Variants in RBFOX3 observed in about 807,000 individuals in gnomAD.
The protein encoded by RBFOX3 is RNA binding fox-1 homolog 3.
In RBFOX3, 17 loss-of-function variants were observed where a neutral mutation model predicts 48.7. The ratio of observed to expected loss-of-function variants is 0.35; its 90% CI spans 0.24 to 0.52. The LOEUF (loss-of-function observed/expected upper bound fraction) is 0.52. RBFOX3 is among the 20% of genes least tolerant of loss of function. The pLI is 0.94. For missense variants in RBFOX3, 382 were observed against 497.5 expected, an observed-to-expected ratio of 0.77 and a Z score of 2.21; for synonymous variants, 212 against 209.5, an observed-to-expected ratio of 1.01 and a Z score of -0.10.
chr17:79,483,359 G>A (rs1438345793), intron 1 of RBFOX3, among the ~76,000 whole-genome samples: 2 of 150,820 alleles, frequency 1.3e-5, no homozygotes, highest in South Asian at 2.1e-4. Context: ...CCACACAGGC[G>A]CATGCCTCCC....
chr17:79,620,279 A>C, the RBFOX3 span, among the ~76,000 whole-genome samples: 1 of 150,942 alleles, frequency 6.6e-6, no homozygotes, highest in African/African-American at 2.4e-5. Context: ...ACACATACGC[A>C]TATGCGCACA....
intron 1 of RBFOX3, among the ~76,000 whole-genome samples, chr17:79,495,290 T>G (rs76149368): frequency 1 from 60,678 of 60,686 alleles, 30,335 homozygotes; most frequent in Middle Eastern, 1. Context: ...GCACGGGTCG[T>G]GAACACCATG....
chr17:79,378,705 C>A (rs564847461), intron 2 of RBFOX3, among the ~76,000 whole-genome samples: 16 of 152,314 alleles, frequency 1.1e-4, no homozygotes, highest in African/African-American at 3.6e-4. Context: ...CAGGCTGTGT[C>A]CCATGTTAAT....
chr17:79,546,157 C>G (rs12603783), intron 1 of RBFOX3, among the ~76,000 whole-genome samples: 1 of 152,068 alleles, frequency 6.6e-6, no homozygotes, highest in Non-Finnish European at 1.5e-5. Context: ...TTTTCCATCT[C>G]CCTGATCTAT....
rs1262397402 is a variant in RBFOX3 at position 79,198,334 on chromosome 17, G to A, written c.-34+37432C>T. Among the ~76,000 whole-genome samples the A allele has an allele frequency of 6.6e-6, 1 of 152,234 alleles. No individual in the cohort carries two copies. Among genetic ancestry groups the A allele is most frequent in the African/African-American group, 2.4e-5 (1 of 41,474 alleles). On this transcript the variant is annotated intron_variant, in intron 4 of 14. Coordinates refer to ENST00000693108, the MANE Select transcript of RBFOX3 (RefSeq NM_001350451.2). This position sits in a 1 kb window ranked among gnomAD's most constrained non-coding sequence, Gnocchi z 8.2. ...CAGGCACAGGTGCGGACAGGAAGGA[G>A]AGCCTGCACCTGGCGATGGTGACTC...
the RBFOX3 span, among the ~76,000 whole-genome samples, chr17:79,617,277 G>C: frequency 6.6e-6 from 1 of 151,936 alleles, no homozygotes; most frequent in African/African-American, 2.4e-5. Context: ...GGGATGGGGG[G>C]GTCTTAGCCT....
chr17:79,304,900 C>T (rs143400071), intron 3 of RBFOX3, among the ~76,000 whole-genome samples: 15 of 152,280 alleles, frequency 9.9e-5, no homozygotes, highest in African/African-American at 2.6e-4. Flanking sequence ...TACACCTGCT[C>T]GTGTCTGTGG....
At chr17:79,351,590 T>A (rs1484612112) in intron 2 of RBFOX3, among the ~76,000 whole-genome samples, 1 of 152,192 alleles carries the variant, frequency 6.6e-6, no homozygotes, top group African/African-American at 2.4e-5. Context: ...GTGACGATGA[T>A]GTGGAGCATC....
intron 4 of RBFOX3, among the ~76,000 whole-genome samples, chr17:79,143,158 G>T (rs924941413): frequency 6.6e-6 from 1 of 152,176 alleles, no homozygotes; most frequent in African/African-American, 2.4e-5. Flanking sequence ...AAGAAGGGGG[G>T]TCCCTGTGTC....
intron 13 of RBFOX3, among the ~76,000 whole-genome samples, chr17:79,095,092 A>T (rs1257525590): frequency 6.6e-6 from 1 of 152,004 alleles, no homozygotes; most frequent in Non-Finnish European, 1.5e-5. Context: ...GCCAGGAGGG[A>T]GGGGGTACAA....
intron 2 of RBFOX3, among the ~76,000 whole-genome samples, chr17:79,379,050 C>G (rs993951357): frequency 2.6e-5 from 4 of 152,186 alleles, no homozygotes; most frequent in African/African-American, 9.7e-5. Context: ...GGATTCTCAA[C>G]TGGGGAAGCT....
chr17:79,418,757 G>A lies in RBFOX3; in HGVS notation c.-175+63697C>T, dbSNP rs1241677488. 1.3e-5 allele frequency among the ~76,000 whole-genome samples: 2 copies of A among 152,048 alleles called. No individual in the cohort carries two copies. Among genetic ancestry groups the A allele is most frequent in the Non-Finnish European group, 2.9e-5 (2 of 68,020 alleles). On this transcript the variant is annotated intron_variant, in intron 2 of 14. Coordinates refer to ENST00000693108, the MANE Select transcript of RBFOX3 (RefSeq NM_001350451.2). The surrounding 1 kb of genome is among the most constrained non-coding windows in gnomAD (Gnocchi z 5.0). ...CTTGCTGCTTGAGAAGGAGGTTTGGGAGAGGAATTCCTTCCCAAAAAGTGA... is the reference window on the plus strand; with the variant it reads ...CTTGCTGCTTGAGAAGGAGGTTTGGAAGAGGAATTCCTTCCCAAAAAGTGA...
chr17:79,394,859 G>T (rs9899608), intron 2 of RBFOX3, among the ~76,000 whole-genome samples: 3,336 of 152,306 alleles, frequency 0.022, 121 homozygotes, highest in African/African-American at 0.077. Flanking sequence ...GAGGTAGAGG[G>T]ATATGAGAAG....
intron 1 of RBFOX3, among the ~76,000 whole-genome samples, chr17:79,580,373 G>A (rs928409360): frequency 4.8e-5 from 7 of 147,006 alleles, no homozygotes; most frequent in Admixed American, 2.8e-4. Flanking sequence ...ATCCCACCCC[G>A]AGCAACAGCA....
At chr17:79,157,163 CG>C (rs1568246520) in intron 4 of RBFOX3, among the ~76,000 whole-genome samples, 1 of 152,192 alleles carries the variant, frequency 6.6e-6, no homozygotes, top group Non-Finnish European at 1.5e-5. Context: ...CTCTCCTTTG[CG>C]TGTCTCACTT....
Position 79,480,592 on chromosome 17 carries a change from C to T in RBFOX3, c.-175+1862G>A, listed in dbSNP as rs1298367880. ...TCTCCTTCCTCCACCTGCACAGCCC[C>T]CGGACCCCGTGATGCCAGCCCCTCC... On this transcript the variant is annotated intron_variant, in intron 2 of 14. Coordinates refer to ENST00000693108, the MANE Select transcript of RBFOX3 (RefSeq NM_001350451.2). The surrounding 1 kb of genome is among the most constrained non-coding windows in gnomAD (Gnocchi z 4.8). Among the ~76,000 whole-genome samples the T allele has an allele frequency of 1.3e-5, 2 of 152,214 alleles. No individual in the cohort carries two copies. Among genetic ancestry groups the T allele is most frequent in the African/African-American group, 4.8e-5 (2 of 41,452 alleles).
At chr17:79,537,605 C>T (rs2089027484) in intron 1 of RBFOX3, among the ~76,000 whole-genome samples, 1 of 152,156 alleles carries the variant, frequency 6.6e-6, no homozygotes, top group Non-Finnish European at 1.5e-5. Flanking sequence ...TCCCTAGAAC[C>T]CCCGCCCACA....
chr17:79,638,320 TA>T, the RBFOX3 span, among the ~76,000 whole-genome samples: 4,631 of 37,322 alleles, frequency 0.12, 172 homozygotes, highest in Admixed American at 0.3. Flanking sequence ...TTTTTTTTTT[TA>T]AATAAAATAA....
chr17:79,605,877 C>T (rs1449565527), intron 1 of RBFOX3, among the ~76,000 whole-genome samples: 3 of 152,154 alleles, frequency 2.0e-5, no homozygotes, highest in East Asian at 3.9e-4. Context: ...CCCCAACCTA[C>T]ACGGAAGGAG....
Sources: allele counts gnomAD v4.1 joint callset (sites outside exome capture counted in the v4.1 genomes callset), GRCh38; gene constraint gnomAD v4.1.1; non-coding constraint Gnocchi (gnomAD v3.1); transcripts MANE v1.5; gene names NCBI Gene and HGNC (gene_info 2026-07-23, HGNC 2026-07-21).